Variants in DGKA observed in about 807,000 individuals in gnomAD.
DGKA encodes 80 kDa diacylglycerol kinase.
A neutral mutation model predicts 105.0 loss-of-function variants in DGKA; 35 were observed. That is an observed-to-expected ratio of 0.33 (90% CI 0.25 to 0.44). DGKA has a LOEUF of 0.44. DGKA is among the 20% of genes least tolerant of loss of function. The pLI, the probability that DGKA is intolerant of heterozygous loss-of-function variation, is 1.00. For synonymous variants in DGKA, 296 were observed against 332.0 expected, an observed-to-expected ratio of 0.89 and a Z score of 1.18; for missense variants, 665 against 915.0, an observed-to-expected ratio of 0.73 and a Z score of 3.53.
intron 17 of DGKA, chr12:55,942,638 A>T (rs1006339519): frequency 1.6e-5 from 4 of 246,836 alleles, no homozygotes; most frequent in Admixed American, 9.7e-5. Context: ...TCATTCACTC[A>T]TTCAAACAAT....
intron 3 of DGKA, 104 bp from the exon 4 acceptor site, chr12:55,937,304 C>T: frequency 1.4e-6 from 2 of 1,388,512 alleles, no homozygotes; most frequent in Non-Finnish European, 2.0e-6. Context: ...GCCTCAGATG[C>T]TTCTCAGCTC....
intron 1 of DGKA, chr12:55,931,676 G>C (rs899289260): frequency 6.6e-6 from 1 of 152,452 alleles, no homozygotes; most frequent in Non-Finnish European, 1.5e-5. Context: ...AGAATGAGAC[G>C]TTGGTTGGGT....
intron 3 of DGKA, 70 bp downstream of exon 3, chr12:55,937,160 A>C: frequency 6.4e-7 from 1 of 1,552,976 alleles, no homozygotes; most frequent in Non-Finnish European, 8.9e-7. Context: ...CCCAACTTCC[A>C]GGAATTATTC....
rs904200078 is a variant in DGKA, at chr12:55,940,593, G to A, written c.919-31G>A. 7.7e-6 allele frequency: 12 copies of A among 1,559,140 alleles called. No homozygotes were observed. Among genetic ancestry groups the A allele is most frequent in the Non-Finnish European group, 1.0e-5 (12 of 1,154,454 alleles). On this transcript the variant is annotated intron_variant, in intron 11 of 23. Coordinates refer to ENST00000331886, the MANE Select transcript of DGKA (RefSeq NM_001345.5). This position sits in a 1 kb window ranked among gnomAD's most constrained non-coding sequence, Gnocchi z 4.3. ...GTTGAGAGGAGACAGGGTTACCTTC[G>A]TGATCTCTCTGTGCCCACCTCGTCT... is the stretch of plus-strand genomic sequence containing the variant.
In DGKA at chr12:55,937,402, T is replaced by TTA; in HGVS notation, c.139-3_139-2dup. 6.2e-7 allele frequency: 1 copy of TTA among 1,613,470 alleles called. No homozygotes were observed. The highest frequency in any genetic ancestry group is 1.7e-5 in the Admixed American group (1 of 59,972). On this transcript the variant is annotated splice_region_variant and splice_polypyrimidine_tract_variant and intron_variant, in intron 3 of 23. Coordinates refer to ENST00000331886, the MANE Select transcript of DGKA (RefSeq NM_001345.5). ...CTCCCCAGGATAATGCTCACTCTCA[T>TTA]TATAGGCCATTGGGTACGAGGGATT...
chr12:55,942,465 A>C (rs552269416), intron 17 of DGKA: 41 of 561,562 alleles, frequency 7.3e-5, no homozygotes, highest in Non-Finnish European at 1.2e-4. Context: ...TAGAAGGGTC[A>C]AGGGTGATAG....
intron 15 of DGKA, 146 bp from the exon 16 acceptor site, chr12:55,941,852 C>T: frequency 1.1e-6 from 1 of 902,394 alleles, no homozygotes; most frequent in South Asian, 1.5e-5. Flanking sequence ...TTGTTCTTTT[C>T]TGTGACCTTC....
At position 55,941,240 on chromosome 12, in the gene DGKA, C is replaced by T. The variant is rs1189329320; in HGVS notation, c.1102-12C>T. On this transcript the variant is annotated splice_polypyrimidine_tract_variant and intron_variant, in intron 13 of 23. Coordinates refer to ENST00000331886, the MANE Select transcript of DGKA (RefSeq NM_001345.5). ...CTGCTTTCTTTGTCCTTATTTTCTTCCCCCAATGCAGATTGACCCTGTTCC... is the reference window on the plus strand; with the variant it reads ...CTGCTTTCTTTGTCCTTATTTTCTTTCCCCAATGCAGATTGACCCTGTTCC... 1.2e-5 allele frequency: 19 copies of T among 1,603,420 alleles called. No individual in the cohort carries two copies. The highest frequency in any genetic ancestry group is 1.5e-5 in the Non-Finnish European group (18 of 1,172,026).
intron 2 of DGKA, 66 bp from the exon 3 acceptor site, chr12:55,936,951 G>C: frequency 1.4e-6 from 2 of 1,385,434 alleles, no homozygotes; most frequent in Non-Finnish European, 2.1e-6. Context: ...TTTCCTGCTG[G>C]ATTTCTCTGG....
At chr12:55,935,641 G>A (rs1884485715) in intron 1 of DGKA, 1 of 152,390 alleles carries the variant, frequency 6.6e-6, no homozygotes, top group African/African-American at 2.4e-5. Flanking sequence ...GATGGGTAGA[G>A]TCCTTTCTCT....
chr12:55,951,488 C>A, intron 17 of DGKA, 135 bp from the exon 18 acceptor site: 1 of 860,286 alleles, frequency 1.2e-6, no homozygotes, highest in Non-Finnish European at 1.8e-6. Flanking sequence ...ATGCACCCTG[C>A]CCTGTCACTG....
Position 55,941,017 on chromosome 12 carries a change from C to A in DGKA, c.1101+37C>A, listed in dbSNP as rs150653651. 7,486 of 1,599,518 alleles carry A rather than the reference C, an allele frequency of 4.7e-3. 52 individuals carry two copies. Among genetic ancestry groups the A allele is most frequent in the South Asian group, 0.014 (1,296 of 89,852 alleles). Reference sequence around the variant, plus strand: ...AGAGTCTTGGGCTTCATGATGGGGGCAGGTTTTTCACTGGAGCCCTCATGG... The same window carrying A: ...AGAGTCTTGGGCTTCATGATGGGGGAAGGTTTTTCACTGGAGCCCTCATGG... On this transcript the variant is annotated intron_variant, in intron 13 of 23. Transcript: ENST00000331886.
At chr12:55,927,895 G>A (rs1883226859), upstream of DGKA, 1 of 1,176,182 alleles carries the variant, frequency 8.5e-7, no homozygotes, top group South Asian at 1.5e-5. Context: ...AACCCTGAGT[G>A]CCTCCTCGGG....
At chr12:55,941,917 A>G (rs954362214) in intron 15 of DGKA, 81 bp from the exon 16 acceptor site, 23 of 1,427,880 alleles carry the variant, frequency 1.6e-5, no homozygotes, top group Non-Finnish European at 2.0e-6. Context: ...AATGAGAGAC[A>G]AGAAGCAATC....
Position 55,940,007 on chromosome 12 carries a change from T to C in DGKA, c.710-75T>C. On this transcript the variant is annotated intron_variant, in intron 9 of 23. Transcript: ENST00000331886. This position sits in a 1 kb window ranked among gnomAD's most constrained non-coding sequence, Gnocchi z 4.3. ...AAGCAAGGGATCACATATCTGATCC[T>C]GCCTCACCCTCAGGTAAGAAGGAAA... The C allele has an allele frequency of 7.5e-7, 1 of 1,341,732 alleles. No individual in the cohort carries two copies. Among genetic ancestry groups the C allele is most frequent in the South Asian group, 1.2e-5 (1 of 84,742 alleles). The allele number at this position is 1,341,732 out of a possible 1,614,324, so 83.1% of individuals were successfully genotyped here.
chr12:55,951,967 G>A (rs1256465866), intron 18 of DGKA, 68 bp from the exon 19 acceptor site: 2 of 1,588,582 alleles, frequency 1.3e-6, no homozygotes, highest in East Asian at 2.2e-5. Context: ...ATGGGGACTT[G>A]GGAAAGAGGG....
At position 55,932,254 on chromosome 12, in the gene DGKA, G is replaced by C; in HGVS notation, c.-82+910G>C. 1 of 430,056 alleles carries C rather than the reference G, an allele frequency of 2.3e-6. No homozygotes were observed. Among genetic ancestry groups the C allele is most frequent in the South Asian group, 2.5e-5 (1 of 39,826 alleles). The allele number at this position is 430,056 out of a possible 1,614,324, so 26.6% of individuals were successfully genotyped here. ...AAGGAGGAAGCGTGACAGCTGGAGC[G>C]GGTATCGAGAAGGGTCTGCGCTGGG... On this transcript the variant is annotated intron_variant, in intron 1 of 23. Coordinates refer to ENST00000331886, the MANE Select transcript of DGKA (RefSeq NM_001345.5). The surrounding 1 kb of genome is among the most constrained non-coding windows in gnomAD (Gnocchi z 4.3).
At position 55,937,544 on chromosome 12, in the gene DGKA, G is replaced by T. The variant is rs1006277900; in HGVS notation, c.274+1G>T. ...TTAAATGAGACAAATGTGACAAAAGGTATGGTCAAGCAGGTAGGACTGGGC... is the reference window on the plus strand; with the variant it reads ...TTAAATGAGACAAATGTGACAAAAGTTATGGTCAAGCAGGTAGGACTGGGC... On this transcript the variant is annotated splice_donor_variant, in intron 4 of 23. Transcript: ENST00000331886. LOFTEE classifies it high-confidence loss of function. The T allele has an allele frequency of 6.2e-7, 1 of 1,614,012 alleles. No individual in the cohort carries two copies. Among genetic ancestry groups the T allele is most frequent in the Non-Finnish European group, 8.5e-7 (1 of 1,179,924 alleles).
At chr12:55,944,643 G>A (rs1329923683) in intron 17 of DGKA, among the ~76,000 whole-genome samples, 1 of 150,700 alleles carries the variant, frequency 6.6e-6, no homozygotes, top group Non-Finnish European at 1.5e-5. Context: ...CAGAAGCCAA[G>A]GCAGCAGCAG....
Sources: gnomAD v4.1 joint callset for allele counts (sites outside exome capture counted in the v4.1 genomes callset) on GRCh38, gnomAD v4.1.1 for gene constraint, Gnocchi (gnomAD v3.1) non-coding constraint, MANE v1.5 for transcripts, NCBI Gene and HGNC (gene_info 2026-07-23, HGNC 2026-07-21) for gene names.